Variants in ADGRL3 observed in about 807,000 individuals in gnomAD.
ADGRL3 encodes adhesion G protein-coupled receptor L3, also known as calcium-independent alpha-latrotoxin receptor 3.
ADGRL3 carries 62 observed loss-of-function variants against 153.5 expected under a neutral mutation model. That is an observed-to-expected ratio of 0.40 (90% CI 0.33 to 0.50). The LOEUF (loss-of-function observed/expected upper bound fraction) is 0.50, where lower values mean the gene tolerates loss of function less well. Ranked by LOEUF, ADGRL3 falls within the 20% of genes least tolerant of loss-of-function variation. The pLI is 0.47. For synonymous variants in ADGRL3, 710 were observed against 672.5 expected, an observed-to-expected ratio of 1.06 and a Z score of -0.86; for missense variants, 1,641 against 1,859.4, an observed-to-expected ratio of 0.88 and a Z score of 2.16.
chr4:61,218,164 T>G (rs1449395131), intron 1 of ADGRL3, among the ~76,000 whole-genome samples: 2 of 152,160 alleles, frequency 1.3e-5, no homozygotes, highest in Non-Finnish European at 2.9e-5. Context: ...TGTTTAAGAG[T>G]CTTTGGGCAA....
intron 1 of ADGRL3, among the ~76,000 whole-genome samples, chr4:61,260,553 T>G (rs534414400): frequency 6.6e-6 from 1 of 152,322 alleles, no homozygotes; most frequent in East Asian, 1.9e-4. Context: ...GAGTCTCATT[T>G]TCTCTTTTAG....
chr4:62,043,337 C>G (rs558467367), intron 24 of ADGRL3, among the ~76,000 whole-genome samples: 1 of 152,112 alleles, frequency 6.6e-6, no homozygotes, highest in African/African-American at 2.4e-5. Flanking sequence ...AATTAATTAA[C>G]CAACTAATAA....
intron 2 of ADGRL3, among the ~76,000 whole-genome samples, chr4:61,438,958 C>T (rs1284856198): frequency 1.3e-5 from 2 of 152,046 alleles, no homozygotes; most frequent in South Asian, 2.1e-4. Flanking sequence ...CCGCCCACCT[C>T]TGCCTCCCAA....
chr4:61,959,481 A>G (rs1020201311), intron 17 of ADGRL3, among the ~76,000 whole-genome samples: 17 of 152,104 alleles, frequency 1.1e-4, no homozygotes, highest in South Asian at 4.2e-4. Context: ...CCCCATCCCA[A>G]CTTCACCTCA....
intron 16 of ADGRL3, among the ~76,000 whole-genome samples, chr4:61,947,773 C>T (rs2098931538): frequency 6.6e-6 from 1 of 152,098 alleles, no homozygotes; most frequent in South Asian, 2.1e-4. Flanking sequence ...AAAGATCATC[C>T]TTTCAGATGT....
intron 23 of ADGRL3, 58 bp from the exon 24 acceptor site, chr4:62,037,673 T>C: frequency 6.3e-7 from 1 of 1,592,576 alleles, no homozygotes; most frequent in South Asian, 1.1e-5. Context: ...CATTGTCTAC[T>C]TTTGTTCCTA....
intron 5 of ADGRL3, among the ~76,000 whole-genome samples, chr4:61,591,404 C>T (rs1310167175): frequency 6.6e-6 from 1 of 152,108 alleles, no homozygotes; most frequent in African/African-American, 2.4e-5. Context: ...TCCCAATCTC[C>T]TTCCCCAACC....
chr4:61,677,219 G>A (rs1272392609), intron 6 of ADGRL3: 1 of 333,268 alleles, frequency 3.0e-6, no homozygotes, highest in African/African-American at 2.1e-5. Context: ...GAAAAAGGTT[G>A]GGGGAGTGTT....
At chr4:61,638,395 A>G (rs1402592538) in intron 5 of ADGRL3, among the ~76,000 whole-genome samples, 1 of 152,168 alleles carries the variant, frequency 6.6e-6, no homozygotes, top group East Asian at 1.9e-4. Context: ...ACACTGGGGT[A>G]GTAAGATATC....
At chr4:61,597,141 A>G (rs1039734573) in intron 5 of ADGRL3, among the ~76,000 whole-genome samples, 4 of 152,072 alleles carry the variant, frequency 2.6e-5, no homozygotes, top group Non-Finnish European at 5.9e-5. Flanking sequence ...GCCCATAACT[A>G]TTAGTACTAT....
intron 1 of ADGRL3, among the ~76,000 whole-genome samples, chr4:61,272,551 T>C (rs745664574): frequency 6.6e-6 from 1 of 152,122 alleles, no homozygotes; most frequent in Non-Finnish European, 1.5e-5. Context: ...TGATTTTCAT[T>C]AATTAGAAAT....
At chr4:61,862,494 T>C (rs1013687528) in intron 9 of ADGRL3, among the ~76,000 whole-genome samples, 19 of 152,220 alleles carry the variant, frequency 1.2e-4, no homozygotes, top group Non-Finnish European at 2.2e-4. Flanking sequence ...GATATTATGC[T>C]GAATAATCTA....
At chr4:61,262,719 GCTCT>G (rs1194313869) in intron 1 of ADGRL3, among the ~76,000 whole-genome samples, 1 of 151,904 alleles carries the variant, frequency 6.6e-6, no homozygotes, top group African/African-American at 2.4e-5. Flanking sequence ...GAGGACTTAT[GCTCT>G]CTCTCTCTAA....
intron 17 of ADGRL3, among the ~76,000 whole-genome samples, chr4:61,966,433 C>T (rs1011144831): frequency 6.6e-6 from 1 of 152,140 alleles, no homozygotes; most frequent in African/African-American, 2.4e-5. Flanking sequence ...GGTAATGACT[C>T]TGTAAGAATG....
intron 8 of ADGRL3, among the ~76,000 whole-genome samples, chr4:61,744,707 C>A (rs909880640): frequency 2.6e-5 from 4 of 152,120 alleles, no homozygotes; most frequent in Non-Finnish European, 5.9e-5. Flanking sequence ...CACCAAAAAA[C>A]CATCTGTACA....
At chr4:61,590,622 A>G (rs1410097077) in intron 5 of ADGRL3, among the ~76,000 whole-genome samples, 1 of 152,140 alleles carries the variant, frequency 6.6e-6, no homozygotes, top group Non-Finnish European at 1.5e-5. Context: ...CCATAAAACT[A>G]TGTATTTTTT....
At chr4:61,430,368 G>A (rs1018297134) in intron 2 of ADGRL3, among the ~76,000 whole-genome samples, 2 of 152,022 alleles carry the variant, frequency 1.3e-5, no homozygotes, top group African/African-American at 4.8e-5. Flanking sequence ...CTGTTTGTTT[G>A]CATTTAATTA....
At chr4:61,974,118 C>A (rs2099039520) in intron 17 of ADGRL3, among the ~76,000 whole-genome samples, 2 of 152,038 alleles carry the variant, frequency 1.3e-5, no homozygotes, top group Non-Finnish European at 2.9e-5. Flanking sequence ...CAGGCACCCT[C>A]CACCCTGTCC....
At chr4:61,372,861 C>T (rs2096553814) in intron 1 of ADGRL3, among the ~76,000 whole-genome samples, 1 of 152,210 alleles carries the variant, frequency 6.6e-6, no homozygotes, top group East Asian at 1.9e-4. Flanking sequence ...TCTCAGACTG[C>T]TGTGCTAGCA....
Sources: gnomAD v4.1 joint callset for allele counts (sites outside exome capture counted in the v4.1 genomes callset) on GRCh38, gnomAD v4.1.1 for gene constraint, MANE v1.5 for transcripts, NCBI Gene and HGNC (gene_info 2026-07-23, HGNC 2026-07-21) for gene names.